Variants in PRRX1 observed in about 807,000 individuals in gnomAD.
The protein encoded by PRRX1 is paired related homeobox 1, also known as paired mesoderm homeobox protein 1.
A neutral mutation model predicts 24.0 loss-of-function variants in PRRX1; 8 were observed. The observed-to-expected ratio is 0.33, with a 90% confidence interval of 0.20 to 0.60. The LOEUF is 0.60. Among genes scored for constraint, PRRX1 ranks in the 20% least tolerant of loss-of-function variants. The probability of loss-of-function intolerance (pLI) is 0.82; values close to 1 mark genes in which losing one functional copy is unlikely to be tolerated. For synonymous variants in PRRX1, 160 were observed against 131.7 expected (o/e 1.22, Z -1.47); for missense variants, 281 against 322.4 (o/e 0.87, Z 0.98).
At chr1:170,695,228 T>A (rs1209218854) in intron 1 of PRRX1, among the ~76,000 whole-genome samples, 2 of 152,134 alleles carry the variant, frequency 1.3e-5, no homozygotes, top group Non-Finnish European at 2.9e-5. Flanking sequence ...ATGAGGAAAC[T>A]GAAGTGATTT....
rs566118664 is a variant in PRRX1, at chr1:170,690,262, C to A, written c.241+25803C>A. On this transcript the variant is annotated intron_variant, in intron 1 of 3. Transcript: ENST00000239461. ...GTTTAGCAGAGATAGACATATGAAC[C>A]CTAAATCAGCTGCATGTTATGGCTT... is the stretch of plus-strand genomic sequence containing the variant. Among the ~76,000 whole-genome samples the A allele has an allele frequency of 2.3e-4, 35 of 152,068 alleles. No individual in the cohort carries two copies. The South Asian group carries it at 7.1e-3, about 31-fold the overall frequency.
intron 1 of PRRX1, among the ~76,000 whole-genome samples, chr1:170,695,896 A>G (rs1654151334): frequency 6.6e-6 from 1 of 152,058 alleles, no homozygotes. Flanking sequence ...TTGAATGCAT[A>G]GCACATGCTT....
intron 1 of PRRX1, among the ~76,000 whole-genome samples, chr1:170,702,108 G>A (rs920996606): frequency 2.0e-5 from 3 of 152,116 alleles, no homozygotes; most frequent in African/African-American, 7.2e-5. Context: ...CCTAGATCCC[G>A]CGCATGCGCA....
chr1:170,711,223 C>A (rs1271428732), intron 1 of PRRX1, among the ~76,000 whole-genome samples: 2 of 152,066 alleles, frequency 1.3e-5, no homozygotes, highest in Non-Finnish European at 2.9e-5. Context: ...CTTTGATATC[C>A]TTTTCAGCCC....
intron 1 of PRRX1, among the ~76,000 whole-genome samples, chr1:170,679,308 T>C (rs1653424897): frequency 6.6e-6 from 1 of 152,244 alleles, no homozygotes; most frequent in Non-Finnish European, 1.5e-5. Context: ...TCTGGCATTT[T>C]GTTAAGCACT....
chr1:170,708,915 A>T (rs1654656837), intron 1 of PRRX1, among the ~76,000 whole-genome samples: 1 of 152,178 alleles, frequency 6.6e-6, no homozygotes, highest in Non-Finnish European at 1.5e-5. Flanking sequence ...TCCCTGAAAG[A>T]GTGGTCAGGT....
chr1:170,695,501 G>T (rs1376798936), intron 1 of PRRX1, among the ~76,000 whole-genome samples: 1 of 152,166 alleles, frequency 6.6e-6, no homozygotes, highest in Non-Finnish European at 1.5e-5. Context: ...TTGTCCAGGG[G>T]TAGAAAGGCT....
chr1:170,689,112 C>G (rs1653843402), intron 1 of PRRX1, among the ~76,000 whole-genome samples: 1 of 152,040 alleles, frequency 6.6e-6, no homozygotes, highest in Non-Finnish European at 1.5e-5. Context: ...CATTGGTTCC[C>G]CATCTCAGAT....
chr1:170,717,424 T>C (rs1366061251), intron 1 of PRRX1, among the ~76,000 whole-genome samples: 2 of 152,180 alleles, frequency 1.3e-5, no homozygotes, highest in South Asian at 2.1e-4. Context: ...CAAGAAGAAA[T>C]AGGCTTTTGA....
intron 1 of PRRX1, among the ~76,000 whole-genome samples, chr1:170,706,528 T>C (rs533166475): frequency 6.6e-5 from 10 of 152,194 alleles, no homozygotes; most frequent in Non-Finnish European, 1.5e-4. Context: ...AGAGAACTCA[T>C]GTCGTCTGGC....
In PRRX1 at chr1:170,736,032, TC is replaced by T; in HGVS notation, c.600-14del. ...AATGCCTGTTATTCTCCCTGCTCTC[TC>T]CTTTGTCCCTACAGCGCCATGGCTA... On this transcript the variant is annotated splice_polypyrimidine_tract_variant and intron_variant, in intron 3 of 3. Coordinates refer to ENST00000239461, the MANE Select transcript of PRRX1 (RefSeq NM_022716.4). 6.2e-7 allele frequency: 1 copy of T among 1,613,876 alleles called. No homozygotes were observed. Among genetic ancestry groups the T allele is most frequent in the Admixed American group, 1.7e-5 (1 of 60,012 alleles).
intron 1 of PRRX1, among the ~76,000 whole-genome samples, chr1:170,701,776 T>C (rs1654367591): frequency 6.6e-6 from 1 of 152,240 alleles, no homozygotes; most frequent in Admixed American, 6.5e-5. Context: ...CATGATATTC[T>C]GATACATGCA....
intron 1 of PRRX1, among the ~76,000 whole-genome samples, chr1:170,691,548 T>G (rs1277692552): frequency 1.4e-5 from 2 of 143,122 alleles, no homozygotes; most frequent in African/African-American, 5.1e-5. Context: ...CCTTCCTTCC[T>G]CCCTCCCTCC....
At chr1:170,668,005 C>G (rs1271213307) in intron 1 of PRRX1, 2 of 152,206 alleles carry the variant, frequency 1.3e-5, no homozygotes, top group Admixed American at 1.3e-4. Flanking sequence ...AATTCTGTCC[C>G]CACCCCCACC....
At chr1:170,662,774 A>T (rs1216531907), upstream of PRRX1, 1 of 150,650 alleles carries the variant, frequency 6.6e-6, no homozygotes, top group Non-Finnish European at 1.5e-5. Flanking sequence ...AGGCAGAAGG[A>T]GAAGAAAATT....
intron 1 of PRRX1, among the ~76,000 whole-genome samples, chr1:170,706,627 G>A (rs1342201874): frequency 6.6e-6 from 1 of 152,244 alleles, no homozygotes; most frequent in Admixed American, 6.5e-5. Context: ...ACATTGAATT[G>A]CTGAAAATGT....
chr1:170,720,299 C>A (rs75606436), intron 2 of PRRX1, among the ~76,000 whole-genome samples: 2,189 of 152,028 alleles, frequency 0.014, 58 homozygotes, highest in African/African-American at 0.049. Context: ...AACAAACAAA[C>A]AAATAAATAA....
At chr1:170,735,921 G>A (rs1009555848) in intron 3 of PRRX1, 127 bp from the exon 4 acceptor site, 21 of 1,277,958 alleles carry the variant, frequency 1.6e-5, no homozygotes, top group African/African-American at 2.9e-5. Flanking sequence ...GACCCTAGAG[G>A]TCATCTAGTC....
At chr1:170,689,842 CT>C (rs1653875457) in intron 1 of PRRX1, among the ~76,000 whole-genome samples, 1 of 59,642 alleles carries the variant, frequency 1.7e-5, no homozygotes, top group African/African-American at 7.5e-5. Flanking sequence ...CTCTCTCCCT[CT>C]CTCTCTCTCT....
Sources: allele counts gnomAD v4.1 joint callset (sites outside exome capture counted in the v4.1 genomes callset), GRCh38; gene constraint gnomAD v4.1.1; transcripts MANE v1.5; gene names NCBI Gene and HGNC (gene_info 2026-07-23, HGNC 2026-07-21).